Variants in ANKRD39 observed in about 807,000 individuals in gnomAD.
ANKRD39 encodes the protein ankyrin repeat domain-containing protein 39.
ANKRD39 carries 18 observed loss-of-function variants against 20.3 expected under a neutral mutation model. The ratio of observed to expected loss-of-function variants is 0.89; its 90% CI spans 0.61 to 1.32. ANKRD39 has a LOEUF of 1.32. Ranked by LOEUF, ANKRD39 falls within the 40% of genes most tolerant of loss-of-function variation. ANKRD39 has a pLI of 0.00. For missense variants in ANKRD39, 243 were observed against 250.7 expected, an observed-to-expected ratio of 0.97 and a Z score of 0.21; for synonymous variants, 106 against 111.9, an observed-to-expected ratio of 0.95 and a Z score of 0.33.
At chr2:96,854,483 A>C in intron 1 of ANKRD39, 42 bp from the exon 2 acceptor site, 3 of 1,582,444 alleles carry the variant, frequency 1.9e-6, no homozygotes, top group Non-Finnish European at 1.7e-6. Context: ...GCTGAATGGG[A>C]GTTTCAGTGC....
At position 96,853,577 on chromosome 2, in the gene ANKRD39, C is replaced by T. The variant is rs11556450; in HGVS notation, c.232G>A (p.Ala78Thr). Residue 78 changes from alanine to threonine, a missense_variant, in exon 3 of 4, where the codon GCT becomes ACT. Coordinates refer to ENST00000393537, the MANE Select transcript of ANKRD39 (RefSeq NM_016466.6). ...CTTTCCAGCAGGAACTGGCACACAG[C>T]GTAGTGCCCATTGCGGCTGGCATAG... ...LHYASRNGHY[A>T]VCQFLLESGA... 6 of 1,612,378 alleles carry T rather than the reference C, an allele frequency of 3.7e-6. No homozygotes were observed. The highest frequency in any genetic ancestry group is 2.2e-5 in the East Asian group (1 of 44,870).
intron 3 of ANKRD39, among the ~76,000 whole-genome samples, chr2:96,853,083 C>T (rs1474677357): frequency 3.3e-5 from 5 of 152,088 alleles, no homozygotes; most frequent in Admixed American, 6.6e-5. Context: ...ATGATCACTC[C>T]GGCTAACATA....
At chr2:96,852,100 A>G (rs1273286353) in intron 3 of ANKRD39, among the ~76,000 whole-genome samples, 1 of 152,102 alleles carries the variant, frequency 6.6e-6, no homozygotes, top group Non-Finnish European at 1.5e-5. Flanking sequence ...AGTCCCAGCT[A>G]CTTGGGAGGC....
chr2:96,854,223 A>G (rs2079852299), intron 2 of ANKRD39, 115 bp downstream of exon 2: 1 of 1,080,772 alleles, frequency 9.3e-7, no homozygotes, highest in Non-Finnish European at 1.3e-6. Context: ...TTTTGCTGGA[A>G]GAGAAGAAAG....
chr2:96,849,533 C>T lies in ANKRD39; in HGVS notation c.409-1089G>A, dbSNP rs1190936711. On this transcript the variant is annotated intron_variant, in intron 3 of 3. Coordinates refer to ENST00000393537, the MANE Select transcript of ANKRD39 (RefSeq NM_016466.6). The stretch of plus-strand genomic sequence containing the variant: ...GGCGTGGTGGCATGTGCTTGTAATC[C>T]CCGCTACTCGGGAGGCTGAGGCACG... Among the ~76,000 whole-genome samples, 3 of 152,200 alleles carry T rather than the reference C, an allele frequency of 2.0e-5. No homozygotes were observed. In the South Asian group the frequency reaches 6.2e-4, roughly 32 times the overall value.
At chr2:96,848,721 T>C (rs896396741) in intron 3 of ANKRD39, among the ~76,000 whole-genome samples, 5 of 152,040 alleles carry the variant, frequency 3.3e-5, no homozygotes, top group Non-Finnish European at 7.4e-5. Flanking sequence ...CTCAGGAGGC[T>C]GAGACAGGAA....
At chr2:96,850,566 G>C (rs560898863) in intron 3 of ANKRD39, among the ~76,000 whole-genome samples, 16 of 152,210 alleles carry the variant, frequency 1.1e-4, no homozygotes, top group African/African-American at 3.6e-4. Context: ...TTGGGAGGCT[G>C]AGGCAGGAGA....
At position 96,857,898 on chromosome 2, in the gene ANKRD39, G is replaced by C; in HGVS notation, c.90C>G (p.Asp30Glu). 1 of 1,582,076 alleles carries C rather than the reference G, an allele frequency of 6.3e-7. No individual in the cohort carries two copies. Among genetic ancestry groups the C allele is most frequent in the East Asian group, 2.3e-5 (1 of 43,878 alleles). ...GCGCGGCAGCCTCACCCCTCTCGAAGTCCATCTCCTCCAGCGTCTGCTGTA... is the reference window on the plus strand; with the variant it reads ...GCGCGGCAGCCTCACCCCTCTCGAACTCCATCTCCTCCAGCGTCTGCTGTA... ...LGVQQTLEEM[D>E]FERGIWSAAL... Residue 30 changes from aspartate to glutamate, a missense_variant, in exon 1 of 4, where the codon GAC (aspartate) becomes GAG (glutamate). Physicochemically the swap from Asp to Glu is conservative, Grantham distance 45 (BLOSUM62 2). Coordinates refer to ENST00000393537, the MANE Select transcript of ANKRD39 (RefSeq NM_016466.6).
rs976990252 is a variant in ANKRD39 at position 96,853,372 on chromosome 2, G to A, written c.408+29C>T. 34 of 1,549,840 alleles carry A rather than the reference G, an allele frequency of 2.2e-5. No homozygotes were observed. In the Admixed American group the frequency reaches 2.9e-4, roughly 13 times the overall value. ...GTTATAACTTTAAAAATAAGGAAACGACATTTTTGGAAGGGGGAACGGGCC... is the reference window on the plus strand; with the variant it reads ...GTTATAACTTTAAAAATAAGGAAACAACATTTTTGGAAGGGGGAACGGGCC... On this transcript the variant is annotated intron_variant, in intron 3 of 3. Coordinates refer to ENST00000393537, the MANE Select transcript of ANKRD39 (RefSeq NM_016466.6).
intron 3 of ANKRD39, among the ~76,000 whole-genome samples, chr2:96,850,558 G>C (rs1423467819): frequency 6.6e-6 from 1 of 152,008 alleles, no homozygotes; most frequent in Non-Finnish European, 1.5e-5. Context: ...CCAGCTACTT[G>C]GGAGGCTGAG....
chr2:96,849,444 G>A (rs1250071109), intron 3 of ANKRD39, among the ~76,000 whole-genome samples: 1 of 152,182 alleles, frequency 6.6e-6, no homozygotes, highest in Non-Finnish European at 1.5e-5. Context: ...GGGGTCAGGA[G>A]TTCGAGACCA....
chr2:96,852,260 A>G (rs2079841349), intron 3 of ANKRD39, among the ~76,000 whole-genome samples: 1 of 151,480 alleles, frequency 6.6e-6, no homozygotes, highest in Non-Finnish European at 1.5e-5. Flanking sequence ...TGGTGCAGGC[A>G]TGTATAGTCC....
At chr2:96,854,803 T>TAA (rs2153359976) in intron 1 of ANKRD39, among the ~76,000 whole-genome samples, 2 of 152,302 alleles carry the variant, frequency 1.3e-5, no homozygotes, top group East Asian at 3.9e-4. Flanking sequence ...TTTCTATTTT[T>TAA]AGTAGAGACA....
In ANKRD39 at chr2:96,857,882, C is replaced by G. The variant is rs746959306; in HGVS notation, c.100+6G>C. Reference sequence around the variant, plus strand: ...GAGAACCACGAGGGCCGCGCGGCAGCCTCACCCCTCTCGAAGTCCATCTCC... The same window carrying G: ...GAGAACCACGAGGGCCGCGCGGCAGGCTCACCCCTCTCGAAGTCCATCTCC... On this transcript the variant is annotated splice_donor_region_variant and intron_variant, in intron 1 of 3. Transcript: ENST00000393537. 4 of 1,571,298 alleles carry G rather than the reference C, an allele frequency of 2.5e-6. No homozygotes were observed. The African/African-American group carries it at 4.0e-5, about 16-fold the overall frequency.
chr2:96,849,553 G>A (rs1166424216), intron 3 of ANKRD39, among the ~76,000 whole-genome samples: 7 of 152,162 alleles, frequency 4.6e-5, no homozygotes, highest in Non-Finnish European at 1.0e-4. Flanking sequence ...GGGAGGCTGA[G>A]GCACGAGAAT....
intron 3 of ANKRD39, among the ~76,000 whole-genome samples, chr2:96,852,557 C>A (rs2079843786): frequency 6.7e-6 from 1 of 148,868 alleles, no homozygotes; most frequent in Non-Finnish European, 1.5e-5. Flanking sequence ...GGAGCAAACC[C>A]CAGGAAACCT....
At chr2:96,855,205 A>G (rs1009266168) in intron 1 of ANKRD39, among the ~76,000 whole-genome samples, 1 of 152,214 alleles carries the variant, frequency 6.6e-6, no homozygotes, top group Non-Finnish European at 1.5e-5. Flanking sequence ...AGACCTTAAA[A>G]CAACAACATT....
chr2:96,856,468 CA>C (rs56306893), intron 1 of ANKRD39, among the ~76,000 whole-genome samples: 16,979 of 70,668 alleles, frequency 0.24, 1,003 homozygotes, highest in African/African-American at 0.39. Flanking sequence ...GACTCCATCT[CA>C]AAAAAAAAAA....
At chr2:96,854,587 G>A in intron 1 of ANKRD39, 146 bp from the exon 2 acceptor site, 1 of 779,878 alleles carries the variant, frequency 1.3e-6, no homozygotes, top group Non-Finnish European at 2.1e-6. Flanking sequence ...TCTGTGTCAA[G>A]GTTTGTTCTG....
Sources: gnomAD v4.1 joint callset for allele counts (sites outside exome capture counted in the v4.1 genomes callset) on GRCh38, gnomAD v4.1.1 for gene constraint, MANE v1.5 for transcripts, NCBI Gene and HGNC (gene_info 2026-07-23, HGNC 2026-07-21) for gene names.